The following FGF13 variants were observed in gnomAD, a reference collection of about 807,000 sequenced individuals.
FGF13 encodes fibroblast growth factor homologous factor 2.
FGF13 carries 2 observed loss-of-function variants against 19.5 expected under a neutral mutation model. The ratio of observed to expected loss-of-function variants is 0.10; its 90% CI spans 0.04 to 0.32. FGF13 has a LOEUF of 0.32. Among genes scored for constraint, FGF13 ranks in the 10% least tolerant of loss-of-function variants. FGF13 has a pLI of 1.00. For synonymous variants in FGF13, 72 were observed against 76.9 expected (o/e 0.94, Z 0.33); for missense variants, 113 against 192.7 (o/e 0.59, Z 2.45).
intron 1 of FGF13, among the ~76,000 whole-genome samples, chrX:139,085,051 A>T (rs184227087): frequency 8.9e-6 from 1 of 111,909 alleles, no homozygotes; most frequent in African/African-American, 3.3e-5. Flanking sequence ...ACAGAAATTA[A>T]CTATAGGCAG....
chrX:138,692,018 G>A (rs760994735), intron 3 of FGF13, among the ~76,000 whole-genome samples: 1 of 111,569 alleles, frequency 9.0e-6, no homozygotes. Context: ...TTTAAGTGGT[G>A]TAGTCACTGA....
intron 1 of FGF13, among the ~76,000 whole-genome samples, chrX:139,004,191 C>T (rs975342738): frequency 2.7e-5 from 3 of 112,844 alleles, no homozygotes; most frequent in Non-Finnish European, 5.6e-5. Flanking sequence ...AGCTAAGGCT[C>T]GGTGAGAAAT....
intron 1 of FGF13, among the ~76,000 whole-genome samples, chrX:138,878,579 C>T (rs1268111807): frequency 9.3e-6 from 1 of 107,498 alleles, no homozygotes; most frequent in Non-Finnish European, 1.9e-5. Flanking sequence ...GGTTCCAAGT[C>T]TTTGCTATTG....
chrX:138,739,579 T>C (rs1398595833), upstream of FGF13, among the ~76,000 whole-genome samples: 1 of 111,714 alleles, frequency 9.0e-6, no homozygotes, highest in African/African-American at 3.3e-5. Flanking sequence ...TTTCCAAGCA[T>C]AAAATTTTAT....
rs895065221 is a variant in FGF13 at position 139,003,105 on chromosome X, G to A, written c.-112-138455C>T. ...CAAGAATGAAGCCGCGGACCCTCGC[G>A]GTGAGTGTTACAGCTCTTAAGATGG... On this transcript the variant is annotated intron_variant, in intron 1 of 2. Coordinates refer to the FGF13 transcript ENST00000421460. Among the ~76,000 whole-genome samples the A allele has an allele frequency of 8.0e-5, 9 of 112,015 alleles. No homozygotes were observed. In the East Asian group the frequency reaches 1.4e-3, roughly 18 times the overall value.
chrX:138,922,247 A>G (rs1490106159), intron 1 of FGF13, among the ~76,000 whole-genome samples: 1 of 111,692 alleles, frequency 9.0e-6, no homozygotes, highest in Non-Finnish European at 1.9e-5. Context: ...TCCATTATCC[A>G]GATACCACAC....
At chrX:138,806,867 C>A (rs1036901926) in intron 3 of FGF13, 2 of 111,817 alleles carry the variant, frequency 1.8e-5, no homozygotes, top group African/African-American at 6.5e-5. Flanking sequence ...GGAGGAGAAA[C>A]TTCAAGCCAT....
chrX:138,944,079 T>C lies in FGF13; in HGVS notation c.-112-79429A>G, dbSNP rs145693226. On this transcript the variant is annotated intron_variant, in intron 1 of 2. Transcript: ENST00000421460. ...ATCGAGCAAAGATTTATGGAATGCCTATACAATATTAAGCTCTTAGACCTA... is the reference window on the plus strand; with the variant it reads ...ATCGAGCAAAGATTTATGGAATGCCCATACAATATTAAGCTCTTAGACCTA... 9.9e-5 allele frequency among the ~76,000 whole-genome samples: 11 copies of C among 111,331 alleles called. No homozygotes were observed. In the East Asian group the frequency reaches 3.1e-3, roughly 32 times the overall value.
rs139610704 is a variant in FGF13 at position 138,940,435 on chromosome X, T to C, written c.-112-75785A>G. 2.5e-3 allele frequency among the ~76,000 whole-genome samples: 286 copies of C among 112,236 alleles called. 1 individual carries two copies. The highest frequency in any genetic ancestry group is 8.6e-3 in the African/African-American group (267 of 30,895). On this transcript the variant is annotated intron_variant, in intron 1 of 2. Coordinates refer to the FGF13 transcript ENST00000421460. Reference sequence around the variant, plus strand: ...GCTGTGCAGAAGCTCTTTAGTTTAATGATGTCTCATTTGTCAGTTTTTGTT... The same window carrying C: ...GCTGTGCAGAAGCTCTTTAGTTTAACGATGTCTCATTTGTCAGTTTTTGTT...
At chrX:139,160,439 G>T (rs756216097) in intron 1 of FGF13, among the ~76,000 whole-genome samples, 2 of 111,266 alleles carry the variant, frequency 1.8e-5, no homozygotes, top group African/African-American at 6.5e-5. Context: ...AACTAGAGAA[G>T]CAAGAGCAAA....
chrX:139,047,488 C>T (rs139336923), intron 1 of FGF13, among the ~76,000 whole-genome samples: 8 of 110,340 alleles, frequency 7.3e-5, no homozygotes, highest in African/African-American at 2.0e-4. Context: ...CATGCTGGTG[C>T]GCTGCACCCA....
At chrX:138,885,517 A>ACTT (rs1326479803) in intron 1 of FGF13, among the ~76,000 whole-genome samples, 1 of 110,715 alleles carries the variant, frequency 9.0e-6, no homozygotes, top group African/African-American at 3.3e-5. Flanking sequence ...ACTCCTGGCC[A>ACTT]CTTCTTTGAC....
At chrX:138,685,119 A>G (rs907800565) in intron 3 of FGF13, among the ~76,000 whole-genome samples, 1 of 111,555 alleles carries the variant, frequency 9.0e-6, no homozygotes, top group Non-Finnish European at 1.9e-5. Context: ...TAATAAAACT[A>G]TCTAGAGCAA....
At chrX:138,741,851 T>C (rs2090320827), upstream of FGF13, among the ~76,000 whole-genome samples, 1 of 111,822 alleles carries the variant, frequency 8.9e-6, no homozygotes, top group African/African-American at 3.3e-5. Flanking sequence ...AATAACGTCA[T>C]CATTTATTGA....
intron 1 of FGF13, among the ~76,000 whole-genome samples, chrX:138,993,526 C>T (rs558804274): frequency 1.8e-5 from 2 of 111,535 alleles, no homozygotes; most frequent in African/African-American, 3.3e-5. Flanking sequence ...TTAATGAAAA[C>T]GTATCTCTAA....
chrX:139,001,043 C>T (rs1445441174), intron 1 of FGF13, among the ~76,000 whole-genome samples: 1 of 111,580 alleles, frequency 9.0e-6, no homozygotes, highest in Non-Finnish European at 1.9e-5. Flanking sequence ...AATCTACAAC[C>T]ATCTGATCTT....
At chrX:138,849,840 T>A (rs1250073122) in intron 3 of FGF13, among the ~76,000 whole-genome samples, 1 of 112,047 alleles carries the variant, frequency 8.9e-6, no homozygotes, top group African/African-American at 3.2e-5. Context: ...GTATCTTTGA[T>A]TTTGACTTTT....
intron 1 of FGF13, among the ~76,000 whole-genome samples, chrX:139,203,250 G>T (rs2084430998): frequency 1.8e-5 from 2 of 111,276 alleles, no homozygotes; most frequent in African/African-American, 6.6e-5. Flanking sequence ...CGGGCGCGGT[G>T]GCTGAACCCC....
intron 1 of FGF13, among the ~76,000 whole-genome samples, chrX:139,067,001 C>T (rs950220320): frequency 2.7e-5 from 3 of 111,712 alleles, no homozygotes; most frequent in African/African-American, 9.8e-5. Flanking sequence ...AAACATAATC[C>T]ATCACATAAA....
Sources: gnomAD v4.1 joint callset for allele counts (sites outside exome capture counted in the v4.1 genomes callset) on GRCh38, gnomAD v4.1.1 for gene constraint, MANE v1.5 for transcripts, NCBI Gene and HGNC (gene_info 2026-07-23, HGNC 2026-07-21) for gene names.